Variants in CTDSPL observed in about 807,000 individuals in gnomAD.
The protein encoded by CTDSPL is CTD small phosphatase like.
CTDSPL carries 8 observed loss-of-function variants against 30.5 expected under a neutral mutation model. The observed-to-expected ratio is 0.26, with a 90% CI of 0.15 to 0.47. The LOEUF is 0.47. CTDSPL is among the 20% of genes least tolerant of loss of function. The pLI, the probability that CTDSPL is intolerant of heterozygous loss-of-function variation, is 0.99. For missense variants in CTDSPL, 248 were observed against 366.1 expected (o/e 0.68, Z 2.63); for synonymous variants, 110 against 137.9 (o/e 0.80, Z 1.42).
chr3:37,963,286 G>T (rs985094960), intron 3 of CTDSPL, among the ~76,000 whole-genome samples: 1 of 152,186 alleles, frequency 6.6e-6, no homozygotes, highest in African/African-American at 2.4e-5. Context: ...GTCTGCCAAG[G>T]TGATCATTGT....
chr3:37,957,029 C>T, intron 2 of CTDSPL, 82 bp from the exon 3 acceptor site: 1 of 1,136,852 alleles, frequency 8.8e-7, no homozygotes, highest in Non-Finnish European at 1.3e-6. Context: ...AGCTGCTGTG[C>T]TCAAGAGGGC....
intron 6 of CTDSPL, among the ~76,000 whole-genome samples, chr3:37,972,228 T>G (rs1245246700): frequency 6.6e-6 from 1 of 152,196 alleles, no homozygotes; most frequent in Admixed American, 6.5e-5. Context: ...CGGGCGCGGT[T>G]GCTCATGCCT....
intron 5 of CTDSPL, chr3:37,969,445 C>T: frequency 1.9e-6 from 1 of 528,638 alleles, no homozygotes; most frequent in Non-Finnish European, 3.9e-6. Flanking sequence ...GTGCAGGTCC[C>T]AATGGGCCTA....
rs144950314 is a variant in CTDSPL, at chr3:37,878,235, A to C, written c.79+15957A>C. Among the ~76,000 whole-genome samples the C allele has an allele frequency of 5.5e-4, 83 of 152,182 alleles. 3 individuals are homozygous for C. The East Asian group carries it at 7.2e-3, about 13-fold the overall frequency. ...TCATTTTTTTTCTTTTCTGGATCAT[A>C]CTTATGGTGTCATACCTGAGAAATC... is the stretch of plus-strand genomic sequence containing the variant. On this transcript the variant is annotated intron_variant, in intron 1 of 7. Coordinates refer to ENST00000273179, the MANE Select transcript of CTDSPL (RefSeq NM_001008392.2).
At chr3:37,897,695 G>A (rs867874659) in intron 1 of CTDSPL, among the ~76,000 whole-genome samples, 1 of 152,268 alleles carries the variant, frequency 6.6e-6, no homozygotes, top group Middle Eastern at 3.4e-3. Context: ...TGTGAAGAGT[G>A]AAGGCAGGAT....
At chr3:37,961,637 A>G (rs1424854396) in intron 3 of CTDSPL, among the ~76,000 whole-genome samples, 3 of 152,204 alleles carry the variant, frequency 2.0e-5, no homozygotes, top group Non-Finnish European at 4.4e-5. Flanking sequence ...CGAAAACATT[A>G]TGAAGAACAT....
Position 37,981,864 on chromosome 3 carries a change from C to T in CTDSPL, c.*997C>T. On this transcript the variant is annotated 3_prime_UTR_variant, in exon 8 of 8. Transcript: ENST00000273179. ...AGCTGTTTGGGAATTTTCCTTGCTG[C>T]TACCGCGCTGCCACCAAATGGAATT... 1 of 457,304 alleles carries T rather than the reference C, an allele frequency of 2.2e-6. No homozygotes were observed. The allele number at this position is 457,304 out of a possible 1,614,324, so 28.3% of individuals were successfully genotyped here.
rs556989952 is a variant in CTDSPL, at chr3:37,870,069, G to A, written c.79+7791G>A. On this transcript the variant is annotated intron_variant, in intron 1 of 7. Coordinates refer to ENST00000273179, the MANE Select transcript of CTDSPL (RefSeq NM_001008392.2). ...TGTTGGTCTGCAGTTTTCTTTTTTT[G>A]TGTTGTCTTTATCTGGTTTGGTATC... Among the ~76,000 whole-genome samples, 17 of 151,822 alleles carry A rather than the reference G, an allele frequency of 1.1e-4. No individual in the cohort carries two copies. In the South Asian group the frequency reaches 2.9e-3, roughly 26 times the overall value.
intron 3 of CTDSPL, among the ~76,000 whole-genome samples, chr3:37,961,446 A>G (rs775609750): frequency 2.0e-5 from 3 of 152,178 alleles, no homozygotes; most frequent in Non-Finnish European, 4.4e-5. Flanking sequence ...CTGTGTCCTG[A>G]GTCCTACCGA....
At chr3:37,885,273 A>C (rs1372245875) in intron 1 of CTDSPL, among the ~76,000 whole-genome samples, 1 of 152,218 alleles carries the variant, frequency 6.6e-6, no homozygotes. Flanking sequence ...GACATTTTAT[A>C]GGAATTCTGG....
intron 7 of CTDSPL, among the ~76,000 whole-genome samples, chr3:37,980,130 C>T (rs1324369582): frequency 2.0e-5 from 3 of 152,002 alleles, no homozygotes; most frequent in Non-Finnish European, 4.4e-5. Flanking sequence ...TCCTTTGTAC[C>T]CCTGGCTACC....
chr3:37,904,271 T>G (rs1045964058), intron 1 of CTDSPL, among the ~76,000 whole-genome samples: 6 of 152,230 alleles, frequency 3.9e-5, no homozygotes, highest in African/African-American at 1.4e-4. Flanking sequence ...TTTTCTTGGC[T>G]ATTTAGCACC....
chr3:37,869,642 G>A (rs979834035), intron 1 of CTDSPL, among the ~76,000 whole-genome samples: 1 of 152,076 alleles, frequency 6.6e-6, no homozygotes, highest in Non-Finnish European at 1.5e-5. Flanking sequence ...AACTTTAGCA[G>A]TATGTCGAAC....
intron 1 of CTDSPL, among the ~76,000 whole-genome samples, chr3:37,867,402 A>G (rs965481111): frequency 3.3e-5 from 5 of 152,210 alleles, no homozygotes; most frequent in Non-Finnish European, 5.9e-5. Context: ...AGTATTATGA[A>G]TAAAGCTGCA....
chr3:37,883,529 A>C (rs1336781019), intron 1 of CTDSPL, among the ~76,000 whole-genome samples: 2 of 152,240 alleles, frequency 1.3e-5, no homozygotes, highest in Non-Finnish European at 2.9e-5. Context: ...TGACTTTATC[A>C]TCATGTTCAA....
intron 1 of CTDSPL, among the ~76,000 whole-genome samples, chr3:37,946,379 C>T (rs1025359305): frequency 5.3e-5 from 8 of 152,190 alleles, no homozygotes; most frequent in Admixed American, 3.9e-4. Flanking sequence ...GCTGGCCCTA[C>T]TTGGGCAGGA....
At chr3:37,891,464 G>A (rs565766852) in intron 1 of CTDSPL, among the ~76,000 whole-genome samples, 9 of 152,350 alleles carry the variant, frequency 5.9e-5, no homozygotes, top group South Asian at 4.1e-4. Flanking sequence ...AGCTGCAAGC[G>A]AGGACACAGC....
chr3:37,963,357 A>G (rs1342254124), intron 3 of CTDSPL, among the ~76,000 whole-genome samples: 1 of 152,232 alleles, frequency 6.6e-6, no homozygotes, highest in Non-Finnish European at 1.5e-5. Flanking sequence ...AACCAGCTAG[A>G]GTTCAAAATT....
At chr3:37,944,914 G>A (rs1699018173) in intron 1 of CTDSPL, 1 of 150,356 alleles carries the variant, frequency 6.7e-6, no homozygotes, top group Non-Finnish European at 1.5e-5. Flanking sequence ...GTAATCATGT[G>A]GTAGAAATTA....
Sources: gnomAD v4.1 joint callset for allele counts (sites outside exome capture counted in the v4.1 genomes callset) on GRCh38, gnomAD v4.1.1 for gene constraint, MANE v1.5 for transcripts, NCBI Gene and HGNC (gene_info 2026-07-23, HGNC 2026-07-21) for gene names.